The following CSNK1A1 variants were observed in gnomAD, a reference collection of about 807,000 sequenced individuals.
The protein encoded by CSNK1A1 is casein kinase I isoform alpha.
Under a neutral mutation model 46.1 loss-of-function variants are expected in CSNK1A1, and 7 were observed. The observed-to-expected ratio is 0.15, with a 90% CI of 0.09 to 0.29. The LOEUF (loss-of-function observed/expected upper bound fraction) is 0.29, where lower values mean the gene tolerates loss of function less well. Among genes scored for constraint, CSNK1A1 ranks in the 10% least tolerant of loss-of-function variants. CSNK1A1 has a pLI of 1.00. For missense variants in CSNK1A1, 96 were observed against 417.1 expected, an observed-to-expected ratio of 0.23 and a Z score of 6.71; for synonymous variants, 137 against 141.5, an observed-to-expected ratio of 0.97 and a Z score of 0.23.
Position 149,500,447 on chromosome 5 carries a change from T to C in CSNK1A1, c.1007-3587A>G, listed in dbSNP as rs371916304. On this transcript the variant is annotated intron_variant, in intron 9 of 9. Transcript: ENST00000377843. The stretch of plus-strand genomic sequence containing the variant: ...CCACCGCGCCCGGCCCCAGCTACTT[T>C]TTTGTATTTTTAGTAAAGACAGGGT... Among the ~76,000 whole-genome samples, 50 of 152,128 alleles carry C rather than the reference T, an allele frequency of 3.3e-4. 1 individual carries two copies. The South Asian group carries it at 5.0e-3, about 15-fold the overall frequency.
At chr5:149,498,086 C>T (rs1422863301) in intron 9 of CSNK1A1, 17 of 972,880 alleles carry the variant, frequency 1.7e-5, no homozygotes, top group Non-Finnish European at 2.1e-5. Context: ...CCCGCCATGG[C>T]CTCCCAAAGT....
At chr5:149,542,615 T>C (rs1202749672) in intron 2 of CSNK1A1, among the ~76,000 whole-genome samples, 9 of 11,842 alleles carry the variant, frequency 7.6e-4, no homozygotes, top group East Asian at 0.014. Context: ...TATATATATA[T>C]ATATATATAT....
At chr5:149,533,459 C>T (rs552691415) in intron 2 of CSNK1A1, among the ~76,000 whole-genome samples, 1 of 152,144 alleles carries the variant, frequency 6.6e-6, no homozygotes, top group East Asian at 1.9e-4. Context: ...TGGCACCAGG[C>T]TGAAGTCTGG....
intron 2 of CSNK1A1, among the ~76,000 whole-genome samples, chr5:149,539,102 G>C (rs1272536324): frequency 6.6e-6 from 1 of 152,126 alleles, no homozygotes; most frequent in Non-Finnish European, 1.5e-5. Flanking sequence ...CATGTGAAGA[G>C]GTAAATGGTT....
chr5:149,509,828 A>T, intron 7 of CSNK1A1, 51 bp downstream of exon 7: 1 of 1,408,418 alleles, frequency 7.1e-7, no homozygotes, highest in South Asian at 1.2e-5. Flanking sequence ...GGTGTGAGCC[A>T]TTGTGCCTGG....
intron 2 of CSNK1A1, among the ~76,000 whole-genome samples, chr5:149,531,517 T>A (rs1208298394): frequency 7.8e-6 from 1 of 127,664 alleles, no homozygotes; most frequent in South Asian, 2.4e-4. Flanking sequence ...AAACTCTGTC[T>A]CAAAAAAAAA....
intron 6 of CSNK1A1, 41 bp from the exon 7 acceptor site, chr5:149,509,994 A>G: frequency 7.3e-7 from 1 of 1,374,516 alleles, no homozygotes. Flanking sequence ...ACTCAGTGCT[A>G]CTGAGAAGAA....
At chr5:149,506,526 C>G (rs528137536) in intron 8 of CSNK1A1, among the ~76,000 whole-genome samples, 2 of 152,144 alleles carry the variant, frequency 1.3e-5, no homozygotes, top group Admixed American at 1.3e-4. Flanking sequence ...CGTGAGCCAC[C>G]GTACCTGGGC....
intron 2 of CSNK1A1, among the ~76,000 whole-genome samples, chr5:149,531,051 T>A (rs548849545): frequency 6.6e-6 from 1 of 151,630 alleles, no homozygotes; most frequent in Admixed American, 6.6e-5. Flanking sequence ...AATTTTCCTA[T>A]ACATTCATAT....
Position 149,551,030 on chromosome 5 carries a change from G to T in CSNK1A1, c.-66C>A. 6.3e-7 allele frequency: 1 copy of T among 1,587,960 alleles called. No individual in the cohort carries two copies. The highest frequency in any genetic ancestry group is 8.6e-7 in the Non-Finnish European group (1 of 1,161,700). On this transcript the variant is annotated 5_prime_UTR_variant, in exon 1 of 10. Transcript: ENST00000377843. ...CCTCTGGGAAGAGGACGGAGGCCTCGGGGCTCCTACACTAGGCAAGGCTAC... is the reference window on the plus strand; with the variant it reads ...CCTCTGGGAAGAGGACGGAGGCCTCTGGGCTCCTACACTAGGCAAGGCTAC...
chr5:149,525,904 A>C lies in CSNK1A1; in HGVS notation c.231-733T>G, dbSNP rs868839758. On this transcript the variant is annotated intron_variant, in intron 2 of 9. Coordinates refer to ENST00000377843, the MANE Select transcript of CSNK1A1 (RefSeq NM_001892.6). The surrounding 1 kb of genome is among the most constrained non-coding windows in gnomAD (Gnocchi z 4.2). ...TACTTTCCTTAAAATAAGCACTACCACTTTTCTTTCAAACTTTTCTAGATA... is the reference window on the plus strand; with the variant it reads ...TACTTTCCTTAAAATAAGCACTACCCCTTTTCTTTCAAACTTTTCTAGATA... Among the ~76,000 whole-genome samples, 1 of 152,208 alleles carries C rather than the reference A, an allele frequency of 6.6e-6. No individual in the cohort carries two copies. The highest frequency in any genetic ancestry group is 1.5e-5 in the Non-Finnish European group (1 of 68,034).
intron 9 of CSNK1A1, chr5:149,504,082 A>G: frequency 1.0e-6 from 1 of 985,456 alleles, no homozygotes; most frequent in Non-Finnish European, 1.2e-6. Flanking sequence ...GATTAGTTAT[A>G]CGATGATTAA....
chr5:149,502,736 T>C (rs939520268), intron 9 of CSNK1A1: 49 of 984,858 alleles, frequency 5.0e-5, no homozygotes, highest in Admixed American at 1.2e-4. Flanking sequence ...CGATTTATTA[T>C]TGGGATCAAT....
At chr5:149,526,562 CCAATGATT>C (rs1363962373) in intron 2 of CSNK1A1, among the ~76,000 whole-genome samples, 1 of 152,104 alleles carries the variant, frequency 6.6e-6, no homozygotes, top group Non-Finnish European at 1.5e-5. Flanking sequence ...CTGATAAATG[CCAATGATT>C]CAAGAAAATC....
chr5:149,527,328 A>G (rs1647958732), intron 2 of CSNK1A1, among the ~76,000 whole-genome samples: 1 of 152,046 alleles, frequency 6.6e-6, no homozygotes, highest in African/African-American at 2.4e-5. Flanking sequence ...GCGTTTCACA[A>G]TGTTGGCCAG....
At chr5:149,527,759 T>A (rs1013858682) in intron 2 of CSNK1A1, among the ~76,000 whole-genome samples, 6 of 152,162 alleles carry the variant, frequency 3.9e-5, no homozygotes, top group Admixed American at 3.3e-4. Flanking sequence ...TTGTTTAATA[T>A]AAATATAATT....
chr5:149,500,509 C>A (rs991110245), intron 9 of CSNK1A1, among the ~76,000 whole-genome samples: 1 of 151,776 alleles, frequency 6.6e-6, no homozygotes, highest in Non-Finnish European at 1.5e-5. Flanking sequence ...AATCTCCTGA[C>A]CTCACGATCT....
At chr5:149,499,367 CTTAA>C (rs1760752591) in intron 9 of CSNK1A1, 5 of 609,744 alleles carry the variant, frequency 8.2e-6, no homozygotes, top group Admixed American at 6.4e-5. Flanking sequence ...AAGTTAATAG[CTTAA>C]TTAAATTTCA....
intron 4 of CSNK1A1, 25 bp from the exon 5 acceptor site, chr5:149,513,234 T>C (rs1397896619): frequency 1.2e-6 from 2 of 1,602,166 alleles, no homozygotes; most frequent in Non-Finnish European, 8.5e-7. Flanking sequence ...TACAGAAACA[T>C]TAGGTTTCCA....
Sources: allele counts gnomAD v4.1 joint callset (sites outside exome capture counted in the v4.1 genomes callset), GRCh38; gene constraint gnomAD v4.1.1; non-coding constraint Gnocchi (gnomAD v3.1); transcripts MANE v1.5; gene names NCBI Gene and HGNC (gene_info 2026-07-23, HGNC 2026-07-21).